Variants in PSD2 observed in about 807,000 individuals in gnomAD.
PSD2 encodes the protein PH and SEC7 domain-containing protein 2.
PSD2 carries 38 observed loss-of-function variants against 69.8 expected under a neutral mutation model. The ratio of observed to expected loss-of-function variants is 0.54; its 90% CI spans 0.42 to 0.71. PSD2 has a LOEUF of 0.71. Ranked by LOEUF, PSD2 falls within the 30% of genes least tolerant of loss-of-function variation. The pLI is 0.00. For missense variants in PSD2, 943 were observed against 1,014.5 expected (o/e 0.93, Z 0.96); for synonymous variants, 412 against 423.0 (o/e 0.97, Z 0.32).
At chr5:139,834,649 C>T (rs1438884632) in intron 8 of PSD2, among the ~76,000 whole-genome samples, 4 of 151,964 alleles carry the variant, frequency 2.6e-5, no homozygotes. Flanking sequence ...ATACTACAGG[C>T]GTAGTTGAAT....
chr5:139,762,303 G>C, the PSD2 span, among the ~76,000 whole-genome samples: 1 of 151,252 alleles, frequency 6.6e-6, no homozygotes, highest in Admixed American at 6.6e-5. Flanking sequence ...TTGGCCTCCC[G>C]AAGTGTTGGG....
chr5:139,813,794 A>G, intron 3 of PSD2, 36 bp downstream of exon 3: 1 of 1,542,382 alleles, frequency 6.5e-7, no homozygotes, highest in Non-Finnish European at 8.8e-7. Context: ...ACCACCGAGC[A>G]GATGGGGAAA....
chr5:139,747,229 C>G, the PSD2 span, among the ~76,000 whole-genome samples: 1 of 152,150 alleles, frequency 6.6e-6, no homozygotes, highest in Non-Finnish European at 1.5e-5. This position sits in a 1 kb window ranked among gnomAD's most constrained non-coding sequence, Gnocchi z 6.7. Context: ...GTCTGACTCT[C>G]TCTTGTCTCC....
At chr5:139,759,307 C>T in the PSD2 span, among the ~76,000 whole-genome samples, 1 of 151,992 alleles carries the variant, frequency 6.6e-6, no homozygotes, top group Non-Finnish European at 1.5e-5. Flanking sequence ...CGCGCGCTCT[C>T]TCTCCACTCA....
the PSD2 span, among the ~76,000 whole-genome samples, chr5:139,781,842 C>T: frequency 6.6e-6 from 1 of 152,108 alleles, no homozygotes; most frequent in African/African-American, 2.4e-5. Context: ...CCATGTTGGG[C>T]AGGCTGGTCT....
Position 139,837,426 on chromosome 5 carries a change from G to A in PSD2, c.1665+188G>A, listed in dbSNP as rs570783458. 2.6e-4 allele frequency among the ~76,000 whole-genome samples: 40 copies of A among 152,326 alleles called. No homozygotes were observed. The highest frequency in any genetic ancestry group is 8.7e-4 in the African/African-American group (36 of 41,574). On this transcript the variant is annotated intron_variant, in intron 11 of 14. Coordinates refer to ENST00000274710, the MANE Select transcript of PSD2 (RefSeq NM_032289.4). This position sits in a 1 kb window ranked among gnomAD's most constrained non-coding sequence, Gnocchi z 5.0. ...GAACTTGGTGCCCAGTGGCTCAGTGGACTCTCAGCATGAGGCCTGTTCAGG... is the reference window on the plus strand; with the variant it reads ...GAACTTGGTGCCCAGTGGCTCAGTGAACTCTCAGCATGAGGCCTGTTCAGG...
rs913782473 is a variant in PSD2, at chr5:139,839,922, G to C, written c.1969-105G>C. 1.5e-6 allele frequency: 2 copies of C among 1,302,750 alleles called. No homozygotes were observed. Among genetic ancestry groups the C allele is most frequent in the Non-Finnish European group, 2.2e-6 (2 of 919,908 alleles). The allele number at this position is 1,302,750 out of a possible 1,614,324, so 80.7% of individuals were successfully genotyped here. A position where few individuals can be genotyped will look rare whatever the true frequency, so the allele number is the denominator to read the frequency against. On this transcript the variant is annotated intron_variant, in intron 13 of 14. Transcript: ENST00000274710. The surrounding 1 kb of genome is among the most constrained non-coding windows in gnomAD (Gnocchi z 5.1). ...CCCCACATTTTGGTGATGCTGGCTA[G>C]GCCTTCATTTCCCTTTGGTGGAGCA...
At chr5:139,791,993 C>G (rs1377835545), upstream of PSD2, among the ~76,000 whole-genome samples, 1 of 152,022 alleles carries the variant, frequency 6.6e-6, no homozygotes, top group African/African-American at 2.4e-5. Context: ...AATGAGAGTG[C>G]GTGAAGGGGA....
At chr5:139,836,032 T>C (rs139518012) in intron 9 of PSD2, among the ~76,000 whole-genome samples, 60 of 152,358 alleles carry the variant, frequency 3.9e-4, no homozygotes, top group Non-Finnish European at 7.5e-4. Context: ...CAGCTGGTTT[T>C]CTATATGGGG....
rs1302493225 is a variant in PSD2, at chr5:139,813,175, G to A, written c.372-134G>A. 5 of 684,072 alleles carry A rather than the reference G, an allele frequency of 7.3e-6. No homozygotes were observed. The Admixed American group carries it at 1.3e-4, about 18-fold the overall frequency. 42.4% of individuals were successfully genotyped at this position (684,072 alleles called of 1,614,324 possible). ...GGCACCTTGTGCTCAGTTAGTATTG[G>A]CTGAAGGGATAAGTGAATAGGATGG... On this transcript the variant is annotated intron_variant, in intron 2 of 14. Transcript: ENST00000274710.
intron 1 of PSD2, among the ~76,000 whole-genome samples, chr5:139,805,636 C>T (rs1281059936): frequency 6.6e-6 from 1 of 152,166 alleles, no homozygotes; most frequent in Non-Finnish European, 1.5e-5. Flanking sequence ...GGGCCTTTCT[C>T]AGGAGGCAGT....
At chr5:139,797,213 C>T (rs1759554154) in intron 1 of PSD2, among the ~76,000 whole-genome samples, 1 of 152,216 alleles carries the variant, frequency 6.6e-6, no homozygotes, top group Admixed American at 6.5e-5. Context: ...CCCAGCAGCC[C>T]CTTTCCCCAA....
At chr5:139,807,208 C>T (rs2126931587) in intron 1 of PSD2, among the ~76,000 whole-genome samples, 1 of 152,302 alleles carries the variant, frequency 6.6e-6, no homozygotes, top group East Asian at 1.9e-4. Context: ...TGTAGGGGAG[C>T]TTGAGTCATC....
the PSD2 span, among the ~76,000 whole-genome samples, chr5:139,759,820 G>T: frequency 2.6e-5 from 4 of 152,248 alleles, no homozygotes; most frequent in African/African-American, 9.6e-5. Flanking sequence ...GGCCGCCTGG[G>T]CACAGACCCC....
intron 4 of PSD2, among the ~76,000 whole-genome samples, chr5:139,815,781 G>A (rs1282771493): frequency 1.3e-5 from 2 of 152,062 alleles, no homozygotes; most frequent in Non-Finnish European, 2.9e-5. Context: ...ATCACCTGAG[G>A]TCAGGAGTTT....
the PSD2 span, among the ~76,000 whole-genome samples, chr5:139,747,977 G>T: frequency 5.9e-5 from 9 of 152,382 alleles, no homozygotes; most frequent in East Asian, 1.7e-3. The surrounding 1 kb of genome is among the most constrained non-coding windows in gnomAD (Gnocchi z 6.7). Context: ...AGCCAAATGC[G>T]ACGGCGCAGG....
At chr5:139,817,380 G>T in intron 4 of PSD2, 101 bp from the exon 5 acceptor site, 2 of 956,478 alleles carry the variant, frequency 2.1e-6, no homozygotes, top group Non-Finnish European at 3.4e-6. Flanking sequence ...AGGTCTAGGG[G>T]GTGGGTGGGT....
chr5:139,839,986 C>A lies in PSD2; in HGVS notation c.1969-41C>A, dbSNP rs890901111. On this transcript the variant is annotated intron_variant, in intron 13 of 14. Coordinates refer to ENST00000274710, the MANE Select transcript of PSD2 (RefSeq NM_032289.4). This position sits in a 1 kb window ranked among gnomAD's most constrained non-coding sequence, Gnocchi z 5.1. The stretch of plus-strand genomic sequence containing the variant: ...CAGGATTTGAGCCACTCCGTGACAT[C>A]CTGAGAGTAAGGCCTCACAGTCCAG... The A allele has an allele frequency of 6.2e-7, 1 of 1,611,100 alleles. No homozygotes were observed.
At chr5:139,816,804 C>T (rs1362389908) in intron 4 of PSD2, among the ~76,000 whole-genome samples, 4 of 152,228 alleles carry the variant, frequency 2.6e-5, no homozygotes, top group Non-Finnish European at 5.9e-5. Flanking sequence ...TCTCCTGTTG[C>T]ATGGGCTCAG....
Sources: gnomAD v4.1 joint callset for allele counts (sites outside exome capture counted in the v4.1 genomes callset) on GRCh38, gnomAD v4.1.1 for gene constraint, Gnocchi (gnomAD v3.1) non-coding constraint, MANE v1.5 for transcripts, NCBI Gene and HGNC (gene_info 2026-07-23, HGNC 2026-07-21) for gene names.